Variants in COA4 observed in about 807,000 individuals in gnomAD.
COA4 encodes the protein cytochrome c oxidase assembly factor 4 homolog, also known as cytochrome c oxidase assembly factor 4 homolog, mitochondrial.
Under a neutral mutation model 7.3 loss-of-function variants are expected in COA4, and 8 were observed. That is an observed-to-expected ratio of 1.10 (90% confidence interval 0.64 to 1.98). The LOEUF is 1.98. Among genes scored for constraint, COA4 ranks in the 30% most tolerant of loss-of-function variants. The pLI is 0.00. For missense variants in COA4, 96 were observed against 111.2 expected (o/e 0.86, Z 0.62); for synonymous variants, 42 against 44.3 (o/e 0.95, Z 0.21).
At chr11:73,875,933 T>C (rs1003078310) in intron 1 of COA4, 9 of 152,194 alleles carry the variant, frequency 5.9e-5, no homozygotes, top group Non-Finnish European at 1.0e-4. Context: ...CTGCCTCATT[T>C]GGTGCCCTTG....
At chr11:73,875,852 C>T (rs1948737550) in intron 1 of COA4, 2 of 152,186 alleles carry the variant, frequency 1.3e-5, no homozygotes, top group African/African-American at 4.8e-5. Context: ...ACTCATTTGC[C>T]TTGGAGGCGG....
chr11:73,876,313 G>A (rs974835553), intron 1 of COA4: 3 of 152,162 alleles, frequency 2.0e-5, no homozygotes, highest in Admixed American at 6.6e-5. Flanking sequence ...CAAGAGATCC[G>A]TGTTCAAATC....
chr11:73,873,973 G>C (rs1263063257), intron 1 of COA4, among the ~76,000 whole-genome samples: 4 of 152,102 alleles, frequency 2.6e-5, no homozygotes, highest in African/African-American at 9.7e-5. Flanking sequence ...TATGAATTAG[G>C]TGAAATGTCA....
At position 73,873,196 on chromosome 11, in the gene COA4, G is replaced by C; in HGVS notation, c.183C>G (p.Phe61Leu). ...WRQCQPQVQA[F>L]KDCMSEQQAR... ...CCTGCTGTTCACTCATGCAATCCTT[G>C]AACGCCTGCACCTGTGGCTGGCATT... The change falls in exon 2 of 2, where the codon TTC becomes TTG. Residue 61 changes from phenylalanine to leucine, a missense_variant. Transcript: ENST00000355693. 1 of 1,614,158 alleles carries C rather than the reference G, an allele frequency of 6.2e-7. No individual in the cohort carries two copies.
At chr11:73,874,941 C>T (rs779052069) in intron 1 of COA4, among the ~76,000 whole-genome samples, 31 of 152,128 alleles carry the variant, frequency 2.0e-4, no homozygotes, top group South Asian at 8.3e-4. Context: ...AGCCAAAGAT[C>T]GTGCCACTGC....
intron 1 of COA4, 103 bp from the exon 2 acceptor site, chr11:73,873,497 G>T: frequency 3.1e-6 from 3 of 962,670 alleles, no homozygotes; most frequent in Non-Finnish European, 4.6e-6. Flanking sequence ...TAATGTGTCT[G>T]TCTCCCGTGG....
rs537515520 is a variant in COA4, at chr11:73,873,101, G to A, written c.*14C>T. On this transcript the variant is annotated 3_prime_UTR_variant, in exon 2 of 2. Transcript: ENST00000355693. ...TTGGCAGGGCCATCTACTGGGGATAGGTGGTTTGGGGTCTCAGTGGTGGGC... is the reference window on the plus strand; with the variant it reads ...TTGGCAGGGCCATCTACTGGGGATAAGTGGTTTGGGGTCTCAGTGGTGGGC... 7 of 1,588,358 alleles carry A rather than the reference G, an allele frequency of 4.4e-6. No individual in the cohort carries two copies. In the East Asian group the frequency reaches 1.1e-4, roughly 25 times the overall value.
rs888626755 is a variant in COA4 at position 73,873,296 on chromosome 11, A to G, written c.83T>C (p.Leu28Pro). The change falls in exon 2 of 2, where the codon CTG (leucine) becomes CCG (proline). Residue 28 changes from leucine to proline, a missense_variant. Transcript: ENST00000355693. ...DDEEEDPLDQ[L>P]ISRSGCAASH... ...GGCAGCACAGCCAGAGCGGGAGATC[A>G]GCTGGTCCAGCGGGTCCTCCTCCTC... The G allele has an allele frequency of 1.2e-6, 2 of 1,614,250 alleles. No homozygotes were observed. Among genetic ancestry groups the G allele is most frequent in the Non-Finnish European group, 1.7e-6 (2 of 1,180,046 alleles).
chr11:73,874,842 C>T (rs563764157), intron 1 of COA4, among the ~76,000 whole-genome samples: 37 of 151,842 alleles, frequency 2.4e-4, no homozygotes, highest in East Asian at 3.9e-4. Context: ...AAAAATTAGG[C>T]GGGCGTGATG....
chr11:73,874,175 C>T (rs1017180851), intron 1 of COA4, among the ~76,000 whole-genome samples: 3 of 152,040 alleles, frequency 2.0e-5, no homozygotes, highest in African/African-American at 4.8e-5. Flanking sequence ...TGGCTGGATA[C>T]GGTGGCTCAT....
Position 73,876,827 on chromosome 11 carries a change from G to A in COA4, c.-87C>T. Reference sequence around the variant, plus strand: ...GGCTTGGGTTTCGCAGGCGGTTGGGGATCCTCTGTACATCCTTTCAGGAAC... The same window carrying A: ...GGCTTGGGTTTCGCAGGCGGTTGGGAATCCTCTGTACATCCTTTCAGGAAC... On this transcript the variant is annotated 5_prime_UTR_variant, in exon 1 of 2. Transcript: ENST00000355693. The A allele has an allele frequency of 2.0e-6, 1 of 500,360 alleles. No individual in the cohort carries two copies. Among genetic ancestry groups the A allele is most frequent in the Non-Finnish European group, 3.2e-6 (1 of 309,118 alleles). 31.0% of individuals were successfully genotyped at this position (500,360 alleles called of 1,614,324 possible).
Position 73,872,968 on chromosome 11 carries a change from T to A in COA4, c.*147A>T. 1.0e-6 allele frequency: 1 copy of A among 978,926 alleles called. No individual in the cohort carries two copies. The highest frequency in any genetic ancestry group is 3.3e-4 in the Middle Eastern group (1 of 3,004). The allele number at this position is 978,926 out of a possible 1,614,324, so 60.6% of individuals were successfully genotyped here. A position where few individuals can be genotyped will look rare whatever the true frequency, so the allele number is the denominator to read the frequency against. ...ATGACAGCTGTTTGTGCCAGTCATG[T>A]CCAAACCCATGGCTCTCAACTCCAG... On this transcript the variant is annotated 3_prime_UTR_variant, in exon 2 of 2. Coordinates refer to ENST00000355693, the MANE Select transcript of COA4 (RefSeq NM_016565.3).
At position 73,873,298 on chromosome 11, in the gene COA4, C is replaced by T; in HGVS notation, c.81G>A (p.Gln27=). 7 of 1,614,278 alleles carry T rather than the reference C, an allele frequency of 4.3e-6. No homozygotes were observed. Among genetic ancestry groups the T allele is most frequent in the Non-Finnish European group, 5.9e-6 (7 of 1,180,054 alleles). The change falls in exon 2 of 2, where the codon CAG becomes CAA. Residue 27 remains glutamine (Q), a synonymous_variant. Coordinates refer to ENST00000355693, the MANE Select transcript of COA4 (RefSeq NM_016565.3). ...KDDEEEDPLD[Q]LISRSGCAAS... ...CAGCACAGCCAGAGCGGGAGATCAG[C>T]TGGTCCAGCGGGTCCTCCTCCTCAT... is the stretch of plus-strand genomic sequence containing the variant.
At chr11:73,873,432 T>C in intron 1 of COA4, 38 bp from the exon 2 acceptor site, 1 of 1,569,648 alleles carries the variant, frequency 6.4e-7, no homozygotes, top group Non-Finnish European at 8.7e-7. Flanking sequence ...GGATATAATA[T>C]GTAAGGTTCC....
At chr11:73,874,229 C>G (rs977189907) in intron 1 of COA4, among the ~76,000 whole-genome samples, 1 of 152,136 alleles carries the variant, frequency 6.6e-6, no homozygotes. Flanking sequence ...AGTCGGATCA[C>G]CTGAGGTCGG....
intron 1 of COA4, among the ~76,000 whole-genome samples, chr11:73,874,056 T>C (rs1948716362): frequency 6.6e-6 from 1 of 152,182 alleles, no homozygotes. Context: ...GGCTCACACC[T>C]GTAATCCTAG....
In COA4 at chr11:73,872,997, CAA is replaced by C; in HGVS notation, c.*116_*117del. 1 of 1,371,284 alleles carries C rather than the reference CAA, an allele frequency of 7.3e-7. No homozygotes were observed. Among genetic ancestry groups the C allele is most frequent in the Non-Finnish European group, 9.8e-7 (1 of 1,021,584 alleles). 84.9% of individuals were successfully genotyped at this position (1,371,284 alleles called of 1,614,324 possible). A position where few individuals can be genotyped will look rare whatever the true frequency, so the allele number is the denominator to read the frequency against. ...AACCCATGGCTCTCAACTCCAGATCCAAAAACTCTCCCCATGTTTTAGACCTC... is the reference window on the plus strand; with the variant it reads ...AACCCATGGCTCTCAACTCCAGATCCAAACTCTCCCCATGTTTTAGACCTC... On this transcript the variant is annotated 3_prime_UTR_variant, in exon 2 of 2. Transcript: ENST00000355693.
chr11:73,875,425 G>C (rs1303581905), intron 1 of COA4, among the ~76,000 whole-genome samples: 1 of 152,186 alleles, frequency 6.6e-6, no homozygotes, highest in East Asian at 1.9e-4. Context: ...GCTTCATGGA[G>C]TTTACAACCT....
Position 73,873,013 on chromosome 11 carries a change from G to T in COA4, c.*102C>A. 6.9e-7 allele frequency: 1 copy of T among 1,457,992 alleles called. No individual in the cohort carries two copies. Among genetic ancestry groups the T allele is most frequent in the Non-Finnish European group, 9.1e-7 (1 of 1,093,600 alleles). 90.3% of individuals were successfully genotyped at this position (1,457,992 alleles called of 1,614,324 possible). ...CTCCAGATCCAAAAACTCTCCCCAT[G>T]TTTTAGACCTCCCACACCAGCATTT... On this transcript the variant is annotated 3_prime_UTR_variant, in exon 2 of 2. Transcript: ENST00000355693.
Sources: gnomAD v4.1 joint callset for allele counts (sites outside exome capture counted in the v4.1 genomes callset) on GRCh38, gnomAD v4.1.1 for gene constraint, MANE v1.5 for transcripts, NCBI Gene and HGNC (gene_info 2026-07-23, HGNC 2026-07-21) for gene names.